DAW1: variants seen among roughly 807,000 people sequenced by gnomAD.
DAW1 encodes the protein dynein assembly factor with WD repeat domains 1.
In DAW1, 47 loss-of-function variants were observed where a neutral mutation model predicts 56.5. The observed-to-expected ratio is 0.83, with a 90% CI of 0.66 to 1.06. The LOEUF is 1.06. Among genes scored for constraint, DAW1 ranks in the 50% least tolerant of loss-of-function variants. The probability of loss-of-function intolerance (pLI) is 0.00; values close to 1 mark genes in which losing one functional copy is unlikely to be tolerated. For missense variants in DAW1, 505 were observed against 499.3 expected (o/e 1.01, Z -0.11); for synonymous variants, 190 against 179.0 (o/e 1.06, Z -0.49).
chr2:227,873,924 A>C (rs1446135755), intron 1 of DAW1, among the ~76,000 whole-genome samples: 3 of 152,126 alleles, frequency 2.0e-5, no homozygotes, highest in African/African-American at 7.2e-5. Context: ...CAAGTGATCC[A>C]CCTGTCTTGG....
intron 1 of DAW1, 105 bp downstream of exon 1, chr2:227,871,834 C>T: frequency 6.7e-7 from 1 of 1,494,504 alleles, no homozygotes; most frequent in Non-Finnish European, 9.1e-7. Context: ...CGGCGGGGTC[C>T]CCAGGTGGGG....
At chr2:227,906,699 A>G (rs1177464065) in intron 9 of DAW1, among the ~76,000 whole-genome samples, 1 of 152,202 alleles carries the variant, frequency 6.6e-6, no homozygotes, top group African/African-American at 2.4e-5. Context: ...AAAAATGGTT[A>G]CTAAGAGATT....
At chr2:227,877,503 C>T (rs1690907373) in intron 1 of DAW1, among the ~76,000 whole-genome samples, 1 of 152,202 alleles carries the variant, frequency 6.6e-6, no homozygotes, top group Non-Finnish European at 1.5e-5. Context: ...GCCTTTTGCT[C>T]ATATTGGAGC....
intron 10 of DAW1, among the ~76,000 whole-genome samples, chr2:227,915,955 A>G (rs1691944803): frequency 6.6e-6 from 1 of 152,110 alleles, no homozygotes; most frequent in Admixed American, 6.5e-5. Flanking sequence ...TTGTGCCATC[A>G]CCTTGAAAGT....
At chr2:227,889,701 C>T (rs547145655) in intron 2 of DAW1, 155 bp from the exon 3 acceptor site, 42 of 554,092 alleles carry the variant, frequency 7.6e-5, no homozygotes, top group Middle Eastern at 4.4e-4. Flanking sequence ...TGATCCTCCC[C>T]GCCCCACCCC....
chr2:227,899,142 A>G (rs189853242), intron 6 of DAW1, among the ~76,000 whole-genome samples: 4 of 152,342 alleles, frequency 2.6e-5, no homozygotes, highest in Admixed American at 2.6e-4. Context: ...ATAGCTCTTA[A>G]AAATAAACAG....
chr2:227,872,998 A>G (rs974674898), intron 1 of DAW1, among the ~76,000 whole-genome samples: 2 of 152,098 alleles, frequency 1.3e-5, no homozygotes, highest in African/African-American at 4.8e-5. Context: ...ACGATCCGCA[A>G]CCTGTGGGAT....
intron 8 of DAW1, 55 bp downstream of exon 8, chr2:227,905,090 C>G: frequency 6.7e-7 from 1 of 1,485,886 alleles, no homozygotes; most frequent in Non-Finnish European, 9.2e-7. Context: ...TTCAGAAAAC[C>G]CTCTGTTATT....
intron 12 of DAW1, 134 bp from the exon 13 acceptor site, chr2:227,923,800 G>A: frequency 1.0e-6 from 1 of 998,706 alleles, no homozygotes; most frequent in African/African-American, 1.6e-5. Context: ...AGACTCTGCA[G>A]CTAGGCGCGG....
At chr2:227,918,735 TGTATTTAAGATGAA>T in intron 10 of DAW1, 31 bp from the exon 11 acceptor site, 2 of 1,598,408 alleles carry the variant, frequency 1.3e-6, no homozygotes, top group Non-Finnish European at 1.7e-6. Flanking sequence ...TCCAAAGTTC[TGTATTTAAGATGAA>T]TTTATATATA....
At chr2:227,883,853 G>A (rs1431842797) in intron 1 of DAW1, among the ~76,000 whole-genome samples, 2 of 152,076 alleles carry the variant, frequency 1.3e-5, no homozygotes, top group Non-Finnish European at 2.9e-5. Flanking sequence ...AATTACTGTT[G>A]TTTTAAAACA....
At chr2:227,883,369 C>T (rs1337960840) in intron 1 of DAW1, among the ~76,000 whole-genome samples, 1 of 152,132 alleles carries the variant, frequency 6.6e-6, no homozygotes, top group Non-Finnish European at 1.5e-5. Flanking sequence ...TCAACAGTTA[C>T]AATATATGCA....
At position 227,924,266 on chromosome 2, in the gene DAW1, C is replaced by T. The variant is rs533998328; in HGVS notation, c.*298C>T. 1.9e-5 allele frequency: 7 copies of T among 373,244 alleles called. No homozygotes were observed. Among genetic ancestry groups the T allele is most frequent in the Non-Finnish European group, 2.9e-5 (6 of 205,982 alleles). 23.1% of individuals were successfully genotyped at this position (373,244 alleles called of 1,614,324 possible). A position where few individuals can be genotyped will look rare whatever the true frequency, so the allele number is the denominator to read the frequency against. ...ATGATACTGAAAAAGGAGACCAGAA[C>T]AACTTAACAACGTGTCTCCTGGATT... On this transcript the variant is annotated 3_prime_UTR_variant, in exon 13 of 13. Coordinates refer to ENST00000309931, the MANE Select transcript of DAW1 (RefSeq NM_178821.3).
intron 5 of DAW1, among the ~76,000 whole-genome samples, chr2:227,896,713 G>C (rs1691418078): frequency 6.6e-6 from 1 of 151,664 alleles, no homozygotes. Context: ...AGTAAGCTTT[G>C]ACTCAATAAA....
At chr2:227,877,854 A>G (rs192577576) in intron 1 of DAW1, among the ~76,000 whole-genome samples, 1 of 152,352 alleles carries the variant, frequency 6.6e-6, no homozygotes, top group East Asian at 1.9e-4. Context: ...ACGGCCACAG[A>G]CTGGTACTGG....
intron 10 of DAW1, among the ~76,000 whole-genome samples, chr2:227,911,275 CACGTGTATATATACATAT>C (rs1559312602): frequency 5.6e-5 from 7 of 124,968 alleles, no homozygotes; most frequent in African/African-American, 1.8e-4. Context: ...TACACATATA[CACGTGTATATATACATAT>C]ATACACGTGT....
chr2:227,882,188 A>T (rs947624444), intron 1 of DAW1, among the ~76,000 whole-genome samples: 2 of 152,240 alleles, frequency 1.3e-5, no homozygotes, highest in Non-Finnish European at 2.9e-5. Flanking sequence ...TATAGCAGTG[A>T]TTCTCAAACT....
At chr2:227,874,161 G>T (rs1690820465) in intron 1 of DAW1, among the ~76,000 whole-genome samples, 1 of 152,058 alleles carries the variant, frequency 6.6e-6, no homozygotes, top group Admixed American at 6.6e-5. Flanking sequence ...TCATCTCTTT[G>T]TTGTGGAGTG....
At chr2:227,878,317 A>G (rs1032653991) in intron 1 of DAW1, among the ~76,000 whole-genome samples, 1 of 152,226 alleles carries the variant, frequency 6.6e-6, no homozygotes, top group Non-Finnish European at 1.5e-5. Context: ...CACTCCCTTG[A>G]TGATAGTGAC....
Sources: gnomAD v4.1 joint callset for allele counts (sites outside exome capture counted in the v4.1 genomes callset) on GRCh38, gnomAD v4.1.1 for gene constraint, MANE v1.5 for transcripts, NCBI Gene and HGNC (gene_info 2026-07-23, HGNC 2026-07-21) for gene names.